Variants in XKR6 observed in about 807,000 individuals in gnomAD.
XKR6 encodes XK-related protein 6.
A neutral mutation model predicts 56.7 loss-of-function variants in XKR6; 22 were observed. The ratio of observed to expected loss-of-function variants is 0.39; its 90% CI spans 0.28 to 0.55. XKR6 has a LOEUF of 0.55. Among genes scored for constraint, XKR6 ranks in the 20% least tolerant of loss-of-function variants. The pLI, the probability that XKR6 is intolerant of heterozygous loss-of-function variation, is 0.66. For missense variants in XKR6, 852 were observed against 889.0 expected, an observed-to-expected ratio of 0.96 and a Z score of 0.53; for synonymous variants, 524 against 387.8, an observed-to-expected ratio of 1.35 and a Z score of -4.13.
At chr8:11,103,881 C>T (rs140522882) in intron 1 of XKR6, among the ~76,000 whole-genome samples, 1 of 152,222 alleles carries the variant, frequency 6.6e-6, no homozygotes, top group East Asian at 1.9e-4. Context: ...AAAATAAATT[C>T]AATTCAAAAT....
intron 1 of XKR6, among the ~76,000 whole-genome samples, chr8:11,088,931 A>C (rs781685594): frequency 6.6e-5 from 10 of 152,218 alleles, no homozygotes; most frequent in African/African-American, 9.6e-5. Flanking sequence ...GGTAGGCTGT[A>C]TGTGCCTTGC....
chr8:10,924,503 G>A (rs1284012764), intron 2 of XKR6, 131 bp downstream of exon 2: 4 of 1,089,922 alleles, frequency 3.7e-6, no homozygotes, highest in African/African-American at 3.2e-5. Context: ...TGGGGGCCGG[G>A]CGTCCTGGGG....
At chr8:11,003,832 A>G (rs1164623066) in intron 1 of XKR6, among the ~76,000 whole-genome samples, 1 of 152,220 alleles carries the variant, frequency 6.6e-6, no homozygotes, top group Non-Finnish European at 1.5e-5. Flanking sequence ...GGGTGTGGTT[A>G]ATTCTGCCTG....
At chr8:11,070,662 C>A (rs1396503487) in intron 1 of XKR6, among the ~76,000 whole-genome samples, 1 of 152,186 alleles carries the variant, frequency 6.6e-6, no homozygotes, top group African/African-American at 2.4e-5. Context: ...GTAATGATTC[C>A]TCACATTTAC....
At chr8:11,141,807 A>G (rs1257780730) in intron 1 of XKR6, among the ~76,000 whole-genome samples, 1 of 152,174 alleles carries the variant, frequency 6.6e-6, no homozygotes, top group African/African-American at 2.4e-5. Flanking sequence ...AAGGTCCTGG[A>G]GCATAACCAA....
chr8:11,125,561 G>C (rs981450869), intron 1 of XKR6, among the ~76,000 whole-genome samples: 1 of 152,132 alleles, frequency 6.6e-6, no homozygotes, highest in African/African-American at 2.4e-5. Context: ...TCACCACCCA[G>C]AGAAGATCCT....
intron 1 of XKR6, chr8:11,137,680 C>A (rs756931400): frequency 1.5e-5 from 7 of 456,210 alleles, no homozygotes; most frequent in South Asian, 1.1e-4. Context: ...GGAGCACAAG[C>A]AGCGGAGAGT....
At chr8:11,091,241 G>A (rs1297570414) in intron 1 of XKR6, among the ~76,000 whole-genome samples, 2 of 152,060 alleles carry the variant, frequency 1.3e-5, no homozygotes, top group Non-Finnish European at 2.9e-5. Flanking sequence ...GACAAGCCTG[G>A]CTAACACAGT....
chr8:11,161,834 A>C (rs1801829155), intron 1 of XKR6, among the ~76,000 whole-genome samples: 1 of 152,152 alleles, frequency 6.6e-6, no homozygotes, highest in Non-Finnish European at 1.5e-5. Flanking sequence ...GCAACTCAAA[A>C]TTCTGGTTGG....
intron 1 of XKR6, among the ~76,000 whole-genome samples, chr8:11,036,403 A>G (rs1316313570): frequency 6.6e-6 from 1 of 152,192 alleles, no homozygotes; most frequent in Admixed American, 6.5e-5. Context: ...AACCCCAAAG[A>G]TATCTTCTCT....
intron 1 of XKR6, among the ~76,000 whole-genome samples, chr8:11,154,465 G>A (rs971673387): frequency 1.3e-5 from 2 of 152,190 alleles, no homozygotes; most frequent in Non-Finnish European, 2.9e-5. Flanking sequence ...GCTTCCTTTG[G>A]CTTCCTTTGA....
chr8:11,059,551 G>A (rs1429393757), intron 1 of XKR6, among the ~76,000 whole-genome samples: 2 of 151,984 alleles, frequency 1.3e-5, no homozygotes, highest in African/African-American at 4.8e-5. Context: ...GGCCCGGCGA[G>A]CGACAAGAGC....
chr8:11,029,770 C>A (rs910616752), intron 1 of XKR6, among the ~76,000 whole-genome samples: 2 of 152,040 alleles, frequency 1.3e-5, no homozygotes, highest in African/African-American at 4.8e-5. Flanking sequence ...TTAGCCAGTC[C>A]CCTGGAACCC....
intron 1 of XKR6, among the ~76,000 whole-genome samples, chr8:10,945,247 G>A (rs1016368040): frequency 1.3e-5 from 2 of 152,236 alleles, no homozygotes; most frequent in African/African-American, 4.8e-5. Flanking sequence ...ACTTTGGGAG[G>A]CCAAGGCAGG....
chr8:11,076,776 G>A (rs1800285266), intron 1 of XKR6, among the ~76,000 whole-genome samples: 1 of 152,200 alleles, frequency 6.6e-6, no homozygotes, highest in Non-Finnish European at 1.5e-5. Flanking sequence ...GGCCAACTCT[G>A]GGCCCGCAGA....
At chr8:10,960,785 C>T (rs1802037379) in intron 1 of XKR6, among the ~76,000 whole-genome samples, 1 of 152,210 alleles carries the variant, frequency 6.6e-6, no homozygotes, top group African/African-American at 2.4e-5. Context: ...ATCACCCTTT[C>T]ACTCCTGCAG....
intron 2 of XKR6, among the ~76,000 whole-genome samples, chr8:10,914,470 G>A (rs970457802): frequency 3.3e-5 from 5 of 152,274 alleles, no homozygotes; most frequent in Non-Finnish European, 7.4e-5. Context: ...AAGCTCCCAC[G>A]AGGTCTCAGG....
At chr8:10,917,213 A>T (rs987374636) in intron 2 of XKR6, among the ~76,000 whole-genome samples, 1 of 152,134 alleles carries the variant, frequency 6.6e-6, no homozygotes, top group Non-Finnish European at 1.5e-5. Context: ...CTGCAGGCCC[A>T]GGGTGGCAAG....
chr8:11,155,899 A>C (rs963943385), intron 1 of XKR6, among the ~76,000 whole-genome samples: 17 of 152,216 alleles, frequency 1.1e-4, no homozygotes, highest in African/African-American at 4.1e-4. Flanking sequence ...ATTTAGTGCA[A>C]ATTTAGATCA....
Sources: gnomAD v4.1 joint callset for allele counts (sites outside exome capture counted in the v4.1 genomes callset) on GRCh38, gnomAD v4.1.1 for gene constraint, MANE v1.5 for transcripts, NCBI Gene and HGNC (gene_info 2026-07-23, HGNC 2026-07-21) for gene names.